Variants in NMNAT2 observed in about 807,000 individuals in gnomAD.
The protein encoded by NMNAT2 is nicotinamide nucleotide adenylyltransferase 2.
Under a neutral mutation model 41.6 loss-of-function variants are expected in NMNAT2, and 11 were observed. That is an observed-to-expected ratio of 0.26 (90% CI 0.17 to 0.44). NMNAT2 has a LOEUF of 0.44. NMNAT2 is among the 20% of genes least tolerant of loss of function. The pLI, the probability that NMNAT2 is intolerant of heterozygous loss-of-function variation, is 1.00. For synonymous variants in NMNAT2, 148 were observed against 151.2 expected (o/e 0.98, Z 0.16); for missense variants, 288 against 407.7 (o/e 0.71, Z 2.53).
intron 1 of NMNAT2, among the ~76,000 whole-genome samples, chr1:183,338,415 G>A (rs1662725276): frequency 6.6e-6 from 1 of 152,086 alleles, no homozygotes; most frequent in South Asian, 2.1e-4. Flanking sequence ...AAATAGCATA[G>A]GAGTTTCTAT....
chr1:183,276,931 C>T (rs4652791), intron 8 of NMNAT2, among the ~76,000 whole-genome samples: 147,319 of 152,322 alleles, frequency 0.97, 71,445 homozygotes, highest in East Asian at 1. Context: ...CACAGTATAC[C>T]TTACTTCCCG....
At chr1:183,269,976 C>A (rs1216162940) in intron 8 of NMNAT2, among the ~76,000 whole-genome samples, 1 of 152,130 alleles carries the variant, frequency 6.6e-6, no homozygotes, top group African/African-American at 2.4e-5. Flanking sequence ...CTCCGCCTCC[C>A]GGGTTCACGC....
At chr1:183,409,496 C>A (rs191711256) in intron 1 of NMNAT2, among the ~76,000 whole-genome samples, 1,552 of 151,980 alleles carry the variant, frequency 0.01, 16 homozygotes, top group Non-Finnish European at 0.018. Context: ...TTTAAATTTT[C>A]TGTAGAGATG....
chr1:183,388,012 G>A (rs932930520), intron 1 of NMNAT2, among the ~76,000 whole-genome samples: 4 of 152,202 alleles, frequency 2.6e-5, no homozygotes, highest in African/African-American at 9.6e-5. Context: ...TTTGCTATGT[G>A]CCAGGCACTC....
At chr1:183,275,973 A>G (rs1004421611) in intron 8 of NMNAT2, among the ~76,000 whole-genome samples, 1 of 152,078 alleles carries the variant, frequency 6.6e-6, no homozygotes, top group African/African-American at 2.4e-5. Flanking sequence ...CCAGCCTAGT[A>G]TTTCAGTTTT....
chr1:183,346,845 T>C (rs1662940748), intron 1 of NMNAT2, among the ~76,000 whole-genome samples: 1 of 152,132 alleles, frequency 6.6e-6, no homozygotes, highest in Middle Eastern at 3.2e-3. Context: ...TAATTTTGAC[T>C]TTTGACAGCC....
At chr1:183,275,958 C>T (rs1391601604) in intron 8 of NMNAT2, among the ~76,000 whole-genome samples, 6 of 152,200 alleles carry the variant, frequency 3.9e-5, no homozygotes, top group Admixed American at 6.5e-5. Flanking sequence ...AGGTGTAATA[C>T]GCACCCAGCC....
At chr1:183,322,169 C>T (rs1662369500) in intron 1 of NMNAT2, among the ~76,000 whole-genome samples, 1 of 152,178 alleles carries the variant, frequency 6.6e-6, no homozygotes, top group African/African-American at 2.4e-5. Flanking sequence ...ACATTAAACA[C>T]CGAATTCCTT....
chr1:183,313,117 C>T (rs1028920164), intron 1 of NMNAT2, among the ~76,000 whole-genome samples: 2 of 151,476 alleles, frequency 1.3e-5, no homozygotes, highest in East Asian at 3.9e-4. Flanking sequence ...TCCCCCAACA[C>T]GCACGCATCT....
rs74458135 is a variant in NMNAT2, at chr1:183,277,830, A to G, written c.651+723T>C. ...TGAGGCAGGTCCAGAGTCACACAGC[A>G]AGTTAATCAAAAAGCACTACATCTA... On this transcript the variant is annotated intron_variant, in intron 8 of 10. Coordinates refer to ENST00000287713, the MANE Select transcript of NMNAT2 (RefSeq NM_015039.4). 2.2e-3 allele frequency among the ~76,000 whole-genome samples: 341 copies of G among 152,322 alleles called. 1 individual carries two copies. The highest frequency in any genetic ancestry group is 7.9e-3 in the African/African-American group (329 of 41,564).
At chr1:183,315,464 T>TTG (rs57796667) in intron 1 of NMNAT2, among the ~76,000 whole-genome samples, 17,189 of 150,346 alleles carry the variant, frequency 0.11, 954 homozygotes, top group African/African-American at 0.14. Flanking sequence ...GTGTGTGCGC[T>TTG]TGTGTGTGTG....
intron 1 of NMNAT2, among the ~76,000 whole-genome samples, chr1:183,324,620 C>T (rs943776333): frequency 2.6e-5 from 4 of 152,144 alleles, no homozygotes; most frequent in Admixed American, 2.6e-4. Flanking sequence ...ACACTCTGAG[C>T]CCTTTCTTGC....
At chr1:183,413,699 C>T (rs1649179708) in intron 1 of NMNAT2, among the ~76,000 whole-genome samples, 1 of 147,368 alleles carries the variant, frequency 6.8e-6, no homozygotes, top group Admixed American at 6.8e-5. Context: ...CTCCGCCTTC[C>T]GGGTTCGCGC....
chr1:183,323,807 C>A (rs115465749), intron 1 of NMNAT2, among the ~76,000 whole-genome samples: 140 of 152,280 alleles, frequency 9.2e-4, no homozygotes, highest in Middle Eastern at 6.8e-3. Context: ...CCTCTCCCCC[C>A]ACAGGAGACA....
Position 183,252,579 on chromosome 1 carries a change from G to A in NMNAT2, c.*62C>T, listed in dbSNP as rs1660418265. 4.4e-6 allele frequency: 5 copies of A among 1,143,108 alleles called. No individual in the cohort carries two copies. The highest frequency in any genetic ancestry group is 2.4e-5 in the South Asian group (2 of 81,682). The allele number at this position is 1,143,108 out of a possible 1,614,324, so 70.8% of individuals were successfully genotyped here. A position where few individuals can be genotyped will look rare whatever the true frequency, so the allele number is the denominator to read the frequency against. On this transcript the variant is annotated 3_prime_UTR_variant, in exon 11 of 11. Transcript: ENST00000287713. ...AGGAGATGGAGAAACAGAGAGGCAGGAGAGAAACAGGGGGCTGACAAAGAT... is the reference window on the plus strand; with the variant it reads ...AGGAGATGGAGAAACAGAGAGGCAGAAGAGAAACAGGGGGCTGACAAAGAT...
chr1:183,414,262 T>C (rs1189445214), intron 1 of NMNAT2, among the ~76,000 whole-genome samples: 1 of 152,204 alleles, frequency 6.6e-6, no homozygotes, highest in Non-Finnish European at 1.5e-5. Flanking sequence ...ACCCTATATC[T>C]ACAAATTAAA....
intron 1 of NMNAT2, among the ~76,000 whole-genome samples, chr1:183,375,696 T>C (rs1432642338): frequency 6.6e-6 from 1 of 152,228 alleles, no homozygotes; most frequent in African/African-American, 2.4e-5. Flanking sequence ...TAGTTTCTTA[T>C]ACCTTGGTGG....
intron 1 of NMNAT2, among the ~76,000 whole-genome samples, chr1:183,404,283 T>G (rs1648895048): frequency 6.6e-6 from 1 of 151,930 alleles, no homozygotes; most frequent in African/African-American, 2.4e-5. Flanking sequence ...AGAGACGGGG[T>G]TTCACCATGT....
In NMNAT2 at chr1:183,251,223, C is replaced by A. The variant is rs188772255; in HGVS notation, c.*1418G>T. On this transcript the variant is annotated 3_prime_UTR_variant, in exon 11 of 11. Coordinates refer to ENST00000287713, the MANE Select transcript of NMNAT2 (RefSeq NM_015039.4). ...CCCACTCCCCTATTAGGGAGATTTT[C>A]TCAGACAGTTCCTGCAGCTCCCAGG... 12 of 152,354 alleles carry A rather than the reference C, an allele frequency of 7.9e-5. No homozygotes were observed. The highest frequency in any genetic ancestry group is 3.3e-4 in the Admixed American group (5 of 15,304). 9.4% of individuals were successfully genotyped at this position (152,354 alleles called of 1,614,324 possible). A position where few individuals can be genotyped will look rare whatever the true frequency, so the allele number is the denominator to read the frequency against.
Sources: gnomAD v4.1 joint callset for allele counts (sites outside exome capture counted in the v4.1 genomes callset) on GRCh38, gnomAD v4.1.1 for gene constraint, MANE v1.5 for transcripts, NCBI Gene and HGNC (gene_info 2026-07-23, HGNC 2026-07-21) for gene names.